The following PGBD1 variants were observed in gnomAD, a reference collection of about 807,000 sequenced individuals.
PGBD1 encodes the protein piggyBac transposable element derived 1.
PGBD1 carries 25 observed loss-of-function variants against 34.7 expected under a neutral mutation model. The observed-to-expected ratio is 0.72, with a 90% CI of 0.52 to 1.00. PGBD1 has a LOEUF of 1.00. Among genes scored for constraint, PGBD1 ranks in the 50% least tolerant of loss-of-function variants. The pLI is 0.00. For missense variants in PGBD1, 830 were observed against 959.4 expected, an observed-to-expected ratio of 0.87 and a Z score of 1.78; for synonymous variants, 292 against 335.7, an observed-to-expected ratio of 0.87 and a Z score of 1.42.
intron 4 of PGBD1, among the ~76,000 whole-genome samples, chr6:28,293,493 T>G (rs1762533692): frequency 6.6e-6 from 1 of 152,240 alleles, no homozygotes. Context: ...TTTGCAGTAT[T>G]GAAAGTTTGT....
At chr6:28,286,290 C>T (rs1038147940) in intron 3 of PGBD1, among the ~76,000 whole-genome samples, 7 of 152,194 alleles carry the variant, frequency 4.6e-5, no homozygotes, top group African/African-American at 1.7e-4. Context: ...ACCACATGTG[C>T]TCTTCATTTG....
intron 1 of PGBD1, among the ~76,000 whole-genome samples, chr6:28,283,209 A>G (rs1762179965): frequency 6.6e-6 from 1 of 152,212 alleles, no homozygotes; most frequent in Admixed American, 6.5e-5. Context: ...GAGCTACAGC[A>G]GCACTCTCTC....
Position 28,287,100 on chromosome 6 carries a change from G to A in PGBD1, c.574G>A (p.Ala192Thr), listed in dbSNP as rs1302322116. 1 of 1,614,026 alleles carries A rather than the reference G, an allele frequency of 6.2e-7. No individual in the cohort carries two copies. Among genetic ancestry groups the A allele is most frequent in the Admixed American group, 1.7e-5 (1 of 60,020 alleles). ...EVSGPVPHGS[A>T]HLQEKNPRDK... is the part of the protein sequence containing the mutation. Reference sequence around the variant, plus strand: ...TGCAGGGCCTGTTCCCCACGGATCAGCTCATCTCCAGGAAAAAAACCCCAG... The same window carrying A: ...TGCAGGGCCTGTTCCCCACGGATCAACTCATCTCCAGGAAAAAAACCCCAG... The change falls in exon 4 of 7, where the codon GCT (alanine) becomes ACT (threonine). Residue 192 changes from alanine (A) to threonine (T), a missense_variant. Ala to Thr is a moderately conservative substitution (Grantham distance 58, BLOSUM62 0). Transcript: ENST00000682144.
rs771748973 is a variant in PGBD1, at chr6:28,285,553, C to T, written c.399C>T (p.Ala133=). Reference sequence around the variant, plus strand: ...CAAAATAAATCTTTTGTTTCCAGGCCTCTGTCTATATTCAGGGACAGGACA... The same window carrying T: ...CAAAATAAATCTTTTGTTTCCAGGCTTCTGTCTATATTCAGGGACAGGACA... The part of the protein sequence containing the change: ...ETGSGDTGQQ[A]SVYIQGQDMH... Residue 133 remains alanine, a splice_region_variant and synonymous_variant, in exon 3 of 7, where the codon GCC becomes GCT. Transcript: ENST00000682144. 1.2e-6 allele frequency: 2 copies of T among 1,613,660 alleles called. No homozygotes were observed. The highest frequency in any genetic ancestry group is 3.3e-5 in the Admixed American group (2 of 59,958).
intron 1 of PGBD1, 115 bp from the exon 2 acceptor site, chr6:28,283,661 G>T: frequency 1.1e-6 from 1 of 888,298 alleles, no homozygotes. Context: ...CAGCTTTTGA[G>T]CATTACCTAC....
intron 4 of PGBD1, among the ~76,000 whole-genome samples, chr6:28,290,459 A>T (rs1290434187): frequency 6.6e-6 from 1 of 152,240 alleles, no homozygotes; most frequent in African/African-American, 2.4e-5. Flanking sequence ...TAAGGAAAAC[A>T]TTAATAGATC....
At chr6:28,283,750 C>G in intron 1 of PGBD1, 26 bp from the exon 2 acceptor site, 11 of 1,494,768 alleles carry the variant, frequency 7.4e-6, no homozygotes, top group Non-Finnish European at 9.8e-6. Context: ...AATTCTTATG[C>G]CTCAGATCTC....
intron 4 of PGBD1, 92 bp from the exon 5 acceptor site, chr6:28,296,724 A>C: frequency 7.1e-7 from 1 of 1,416,114 alleles, no homozygotes; most frequent in Non-Finnish European, 9.7e-7. Flanking sequence ...GGCTGGGACT[A>C]CCGGTCTACA....
chr6:28,299,584 T>C (rs1306500232), intron 6 of PGBD1, among the ~76,000 whole-genome samples: 1 of 152,242 alleles, frequency 6.6e-6, no homozygotes, highest in Non-Finnish European at 1.5e-5. Flanking sequence ...GAAATGTATG[T>C]AGTGTAAATT....
At position 28,301,630 on chromosome 6, in the gene PGBD1, G is replaced by A. The variant is rs16893917; in HGVS notation, c.1776G>A (p.Met592Ile). 0.064 allele frequency: 102,526 copies of A among 1,614,066 alleles called. 5,594 individuals are homozygous for A. Among genetic ancestry groups the A allele is most frequent in the East Asian group, 0.32 (14,326 of 44,864 alleles). Residue 592 changes from methionine to isoleucine, a missense_variant, in exon 7 of 7, where the codon ATG becomes ATA. Met to Ile is a conservative substitution (Grantham distance 10). Coordinates refer to ENST00000682144, the MANE Select transcript of PGBD1 (RefSeq NM_032507.4). Reference protein sequence around the residue: ...WFEPYQEESTMKVDEDPDLGL... With the variant: ...WFEPYQEESTIKVDEDPDLGL... ...AACCCTATCAAGAAGAATCAACTATGAAGGTAGATGAGGATCCTGATCTTG... is the reference window on the plus strand; with the variant it reads ...AACCCTATCAAGAAGAATCAACTATAAAGGTAGATGAGGATCCTGATCTTG...
rs966525951 is a variant in PGBD1 at position 28,300,230 on chromosome 6, G to C, written c.870-494G>C. 2.6e-5 allele frequency among the ~76,000 whole-genome samples: 4 copies of C among 151,728 alleles called. No homozygotes were observed. The highest frequency in any genetic ancestry group is 7.3e-5 in the African/African-American group (3 of 41,348). On this transcript the variant is annotated intron_variant, in intron 6 of 6. Transcript: ENST00000682144. This position sits in a 1 kb window ranked among gnomAD's most constrained non-coding sequence, Gnocchi z 4.0. ...TGGTAAATAATAACCTTTTTTTCTTGTTCAGATTCAGAACCAATTGACAGG... is the reference window on the plus strand; with the variant it reads ...TGGTAAATAATAACCTTTTTTTCTTCTTCAGATTCAGAACCAATTGACAGG...
chr6:28,301,398 A>C lies in PGBD1; in HGVS notation c.1544A>C (p.Gln515Pro). ...LHFADNGHLDQKDKFTKLRPL... is the reference protein window; with the variant it reads ...LHFADNGHLDPKDKFTKLRPL... The stretch of plus-strand genomic sequence containing the variant: ...TTTGCAGATAATGGCCACCTAGATC[A>C]AAAAGATAAGTTTACAAAGTTGAGA... The change falls in exon 7 of 7, where the codon CAA (glutamine) becomes CCA (proline). Residue 515 changes from glutamine (Q) to proline (P), a missense_variant. By Grantham distance (76) the Gln-to-Pro change is moderately conservative. Coordinates refer to ENST00000682144, the MANE Select transcript of PGBD1 (RefSeq NM_032507.4). 1.2e-6 allele frequency: 2 copies of C among 1,614,144 alleles called. No individual in the cohort carries two copies. The highest frequency in any genetic ancestry group is 1.7e-6 in the Non-Finnish European group (2 of 1,180,024).
intron 2 of PGBD1, 40 bp downstream of exon 2, chr6:28,284,249 G>C (rs755457093): frequency 4.8e-6 from 7 of 1,452,740 alleles, no homozygotes; most frequent in Non-Finnish European, 6.4e-6. Flanking sequence ...GAGAAGAAAA[G>C]GGGGACATGT....
chr6:28,284,161 G>C lies in PGBD1; in HGVS notation c.348G>C (p.Val116=), dbSNP rs755314966. Residue 116 remains valine, a synonymous_variant, in exon 2 of 7, where the codon GTG becomes GTC. Coordinates refer to ENST00000682144, the MANE Select transcript of PGBD1 (RefSeq NM_032507.4). The part of the protein sequence containing the change: ...TYPLESGEEA[V]TVLENLETGS... ...CTCTGGAGAGTGGAGAGGAGGCAGTGACAGTGCTGGAGAATCTAGAGACAG... is the reference window on the plus strand; with the variant it reads ...CTCTGGAGAGTGGAGAGGAGGCAGTCACAGTGCTGGAGAATCTAGAGACAG... The C allele has an allele frequency of 2.1e-5, 34 of 1,595,566 alleles. No individual in the cohort carries two copies.
chr6:28,282,356 C>T (rs1259087425), intron 1 of PGBD1, among the ~76,000 whole-genome samples: 1 of 152,150 alleles, frequency 6.6e-6, no homozygotes, highest in Non-Finnish European at 1.5e-5. Flanking sequence ...CAGCAAAACC[C>T]AGTAAAGATT....
intron 2 of PGBD1, among the ~76,000 whole-genome samples, chr6:28,285,248 G>A (rs886258864): frequency 1.3e-5 from 2 of 152,188 alleles, no homozygotes; most frequent in Non-Finnish European, 2.9e-5. Flanking sequence ...TCCCATTACT[G>A]ATGAGGTTAT....
chr6:28,287,236 C>T, intron 4 of PGBD1, 68 bp downstream of exon 4: 1 of 1,367,242 alleles, frequency 7.3e-7, no homozygotes, highest in Non-Finnish European at 1.0e-6. Flanking sequence ...ATGTTCCTTG[C>T]CCTTCTCTTG....
chr6:28,299,331 C>T lies in PGBD1; in HGVS notation c.869+1340C>T, dbSNP rs74830143. ...GCCCCCTGCCCTCCTTCTAGTCCCC[C>T]TCCCTCACCCCCACCCCACTTTCTT... On this transcript the variant is annotated intron_variant, in intron 6 of 6. Coordinates refer to ENST00000682144, the MANE Select transcript of PGBD1 (RefSeq NM_032507.4). 0.022 allele frequency among the ~76,000 whole-genome samples: 3,302 copies of T among 151,876 alleles called. 185 individuals are homozygous for T. In the East Asian group the frequency reaches 0.23, roughly 11 times the overall value.
In PGBD1 at chr6:28,287,081, G is replaced by T; in HGVS notation, c.555G>T (p.Gly185=). The change falls in exon 4 of 7, where the codon GGG becomes GGT. Residue 185 remains glycine (G), a splice_region_variant and synonymous_variant. Transcript: ENST00000682144. ...GACTCTTGCCCTCTCTCTCTGCAGG[G>T]CCTGTTCCCCACGGATCAGCTCATC... ...RPQGNPQEVS[G]PVPHGSAHLQ... The T allele has an allele frequency of 6.2e-7, 1 of 1,613,262 alleles. No homozygotes were observed. Among genetic ancestry groups the T allele is most frequent in the Non-Finnish European group, 8.5e-7 (1 of 1,179,234 alleles).
Sources: gnomAD v4.1 joint callset for allele counts (sites outside exome capture counted in the v4.1 genomes callset) on GRCh38, gnomAD v4.1.1 for gene constraint, Gnocchi (gnomAD v3.1) non-coding constraint, MANE v1.5 for transcripts, NCBI Gene and HGNC (gene_info 2026-07-23, HGNC 2026-07-21) for gene names.